Variants in GALNTL6 observed in about 807,000 individuals in gnomAD.
The protein encoded by GALNTL6 is polypeptide N-acetylgalactosaminyltransferase-like 6.
A neutral mutation model predicts 73.7 loss-of-function variants in GALNTL6; 46 were observed. That is an observed-to-expected ratio of 0.62 (90% CI 0.49 to 0.80). The LOEUF (loss-of-function observed/expected upper bound fraction) is 0.80, where lower values mean the gene tolerates loss of function less well. Among genes scored for constraint, GALNTL6 ranks in the 30% least tolerant of loss-of-function variants. GALNTL6 has a pLI of 0.00. For missense variants in GALNTL6, 604 were observed against 755.0 expected, an observed-to-expected ratio of 0.80 and a Z score of 2.34; for synonymous variants, 259 against 263.7, an observed-to-expected ratio of 0.98 and a Z score of 0.17.
chr4:172,171,248 C>T (rs1172230768), intron 2 of GALNTL6, among the ~76,000 whole-genome samples: 1 of 152,090 alleles, frequency 6.6e-6, no homozygotes, highest in Non-Finnish European at 1.5e-5. Flanking sequence ...TGAATATTCA[C>T]ATGAGTGATT....
chr4:172,597,438 G>A (rs540542178), intron 5 of GALNTL6, among the ~76,000 whole-genome samples: 17 of 152,244 alleles, frequency 1.1e-4, no homozygotes, highest in South Asian at 2.1e-4. Context: ...GGAGAAATAC[G>A]TTAGGAAATA....
chr4:171,829,051 G>C (rs1734897399), intron 2 of GALNTL6, among the ~76,000 whole-genome samples: 1 of 152,092 alleles, frequency 6.6e-6, no homozygotes, highest in African/African-American at 2.4e-5. Context: ...TATTGGTAAA[G>C]CCACTGGTCA....
At chr4:172,253,692 T>A (rs1416340775) in intron 3 of GALNTL6, among the ~76,000 whole-genome samples, 1 of 151,964 alleles carries the variant, frequency 6.6e-6, no homozygotes, top group East Asian at 1.9e-4. Flanking sequence ...GACGTTCACA[T>A]CAGTTCCTTT....
At chr4:173,005,444 G>A (rs980466170) in intron 10 of GALNTL6, among the ~76,000 whole-genome samples, 4 of 152,110 alleles carry the variant, frequency 2.6e-5, no homozygotes, top group Admixed American at 1.3e-4. Context: ...ATGTGTATGT[G>A]TGTGAACTGC....
At chr4:172,428,617 TG>T (rs1731313395) in intron 5 of GALNTL6, among the ~76,000 whole-genome samples, 1 of 152,224 alleles carries the variant, frequency 6.6e-6, no homozygotes, top group Admixed American at 6.5e-5. Context: ...TATGCCATTT[TG>T]TCTCACTTCA....
At position 172,206,604 on chromosome 4, in the gene GALNTL6, T is replaced by C. The variant is rs77468862; in HGVS notation, c.139-23052T>C. 9.7e-3 allele frequency among the ~76,000 whole-genome samples: 1,474 copies of C among 152,088 alleles called. 27 individuals are homozygous for C. Among genetic ancestry groups the C allele is most frequent in the African/African-American group, 0.033 (1,386 of 41,492 alleles). On this transcript the variant is annotated intron_variant, in intron 2 of 12. Transcript: ENST00000506823. ...GCACCTACTTTGGAGAAGATTGTTG[T>C]AGGCATTTTTGAGTAAGTGCCATTG...
At position 172,318,169 on chromosome 4, in the gene GALNTL6, C is replaced by CATT. The variant is rs201129859; in HGVS notation, c.386+6419_386+6421dup. Among the ~76,000 whole-genome samples, 125 of 152,252 alleles carry CATT rather than the reference C, an allele frequency of 8.2e-4. 2 individuals are homozygous for CATT. In the South Asian group the frequency reaches 0.016, roughly 20 times the overall value. On this transcript the variant is annotated intron_variant, in intron 4 of 12. Coordinates refer to ENST00000506823, the MANE Select transcript of GALNTL6 (RefSeq NM_001034845.3). The stretch of plus-strand genomic sequence containing the variant: ...CCAATTGTATGCACAGTAATACAGA[C>CATT]ATTAGTACATAAGTTCTCAGGGTCA...
chr4:172,993,940 A>C (rs368214983), intron 10 of GALNTL6, among the ~76,000 whole-genome samples: 12 of 152,290 alleles, frequency 7.9e-5, no homozygotes, highest in East Asian at 5.8e-4. Flanking sequence ...AACAAACAAA[A>C]AAAATATTGG....
At chr4:171,959,806 A>T (rs1317594743) in intron 2 of GALNTL6, among the ~76,000 whole-genome samples, 1 of 152,238 alleles carries the variant, frequency 6.6e-6, no homozygotes, top group African/African-American at 2.4e-5. Flanking sequence ...TTTAAGTGGA[A>T]ATGAGTGACA....
rs2110800697 is a variant in GALNTL6 at position 172,164,376 on chromosome 4, T to G, written c.139-65280T>G. ...ATCTCAGATATAGTCATACTTAAGA[T>G]AAATAGAAATAACTGTAAATTTTCA... is the stretch of plus-strand genomic sequence containing the variant. On this transcript the variant is annotated intron_variant, in intron 2 of 12. Transcript: ENST00000506823. Among the ~76,000 whole-genome samples the G allele has an allele frequency of 1.3e-5, 2 of 152,118 alleles. 1 individual carries two copies. Among genetic ancestry groups the G allele is most frequent in the Middle Eastern group, 6.8e-3 (2 of 294 alleles).
At chr4:172,339,260 CACACACACACACA>C in intron 4 of GALNTL6, among the ~76,000 whole-genome samples, 1 of 12,634 alleles carries the variant, frequency 7.9e-5, no homozygotes, top group African/African-American at 1.5e-4. Flanking sequence ...ACACACACCA[CACACACACACACA>C]CACACACACA....
At chr4:172,790,367 T>G (rs536173057) in intron 5 of GALNTL6, among the ~76,000 whole-genome samples, 124 of 152,304 alleles carry the variant, frequency 8.1e-4, no homozygotes, top group African/African-American at 2.8e-3. Context: ...GTCATACAGG[T>G]GGACCCCTAA....
At chr4:172,436,069 T>C (rs1731623983) in intron 5 of GALNTL6, among the ~76,000 whole-genome samples, 1 of 152,090 alleles carries the variant, frequency 6.6e-6, no homozygotes, top group Non-Finnish European at 1.5e-5. Context: ...ATCTAAATGG[T>C]TATTAGTTTA....
chr4:172,940,671 T>TATC (rs1227398286), intron 9 of GALNTL6, among the ~76,000 whole-genome samples: 1 of 120,194 alleles, frequency 8.3e-6, no homozygotes, highest in East Asian at 2.3e-4. Context: ...AACATTTTAT[T>TATC]ATTATTATTA....
intron 5 of GALNTL6, among the ~76,000 whole-genome samples, chr4:172,504,159 C>CAAAAAAAAAAAAAAA (rs775200126): frequency 0.024 from 124 of 5,152 alleles, 56 homozygotes; most frequent in Non-Finnish European, 0.036. Context: ...GACTCTGTCT[C>CAAAAAAAAAAAAAAA]AAAAAAAAAA....
intron 2 of GALNTL6, among the ~76,000 whole-genome samples, chr4:172,036,501 C>A (rs535842121): frequency 2.0e-5 from 3 of 152,186 alleles, no homozygotes; most frequent in East Asian, 1.9e-4. Context: ...TAGCATAATA[C>A]CATTAGATTG....
chr4:172,015,412 C>A (rs1451199763), intron 2 of GALNTL6, among the ~76,000 whole-genome samples: 1 of 151,562 alleles, frequency 6.6e-6, no homozygotes, highest in African/African-American at 2.4e-5. Context: ...TTATTCCAAC[C>A]CTTTACCTTA....
chr4:172,020,234 C>T (rs1579064835), intron 2 of GALNTL6, among the ~76,000 whole-genome samples: 1 of 151,710 alleles, frequency 6.6e-6, no homozygotes, highest in Non-Finnish European at 1.5e-5. Context: ...AATAAGCAAC[C>T]TAACAATGCA....
intron 5 of GALNTL6, among the ~76,000 whole-genome samples, chr4:172,725,343 T>G (rs1341253172): frequency 5.9e-5 from 9 of 152,186 alleles, no homozygotes; most frequent in Non-Finnish European, 8.8e-5. Flanking sequence ...TCTACTGTAC[T>G]CAGGCTCCAC....
Sources: gnomAD v4.1 joint callset for allele counts (sites outside exome capture counted in the v4.1 genomes callset) on GRCh38, gnomAD v4.1.1 for gene constraint, MANE v1.5 for transcripts, NCBI Gene and HGNC (gene_info 2026-07-23, HGNC 2026-07-21) for gene names.